Variants in ACOT7 observed in about 807,000 individuals in gnomAD.
The protein encoded by ACOT7 is acyl-CoA thioesterase 7.
A neutral mutation model predicts 40.2 loss-of-function variants in ACOT7; 12 were observed. That is an observed-to-expected ratio of 0.30 (90% confidence interval 0.19 to 0.48). The LOEUF is 0.48. Among genes scored for constraint, ACOT7 ranks in the 20% least tolerant of loss-of-function variants. ACOT7 has a pLI of 0.99. For synonymous variants in ACOT7, 228 were observed against 219.5 expected, an observed-to-expected ratio of 1.04 and a Z score of -0.34; for missense variants, 395 against 530.8, an observed-to-expected ratio of 0.74 and a Z score of 2.51.
In ACOT7 at chr1:6,358,822, G is replaced by A. The variant is rs115700963; in HGVS notation, c.144-8956C>T. 4,578 of 1,613,832 alleles carry A rather than the reference G, an allele frequency of 2.8e-3. 109 individuals carry two copies. In the African/African-American group the frequency reaches 0.053, roughly 19 times the overall value. On this transcript the variant is annotated intron_variant, in intron 1 of 8. Transcript: ENST00000361521. This position sits in a 1 kb window ranked among gnomAD's most constrained non-coding sequence, Gnocchi z 4.1. ...GGCCTAGACATGCCCATGACTGGCA[G>A]TACCTGCTCAGCTGGAAAGCCATGG... is the stretch of plus-strand genomic sequence containing the variant.
At chr1:6,271,441 A>G (rs1639031900) in intron 8 of ACOT7, among the ~76,000 whole-genome samples, 2 of 152,216 alleles carry the variant, frequency 1.3e-5, no homozygotes. Flanking sequence ...CACAAAAGCA[A>G]TGAAAACATC....
rs1301438258 is a variant in ACOT7, at chr1:6,318,726, A to G, written c.626-148T>C. The stretch of plus-strand genomic sequence containing the variant: ...AGCTATGATTTCTCTAAGGAAAACT[A>G]TGGTCTCCAAACAGGCTACAGTTGG... On this transcript the variant is annotated intron_variant, in intron 5 of 8. Transcript: ENST00000361521. The G allele has an allele frequency of 5.3e-6, 4 of 760,860 alleles. No individual in the cohort carries two copies. In the African/African-American group the frequency reaches 6.9e-5, roughly 13 times the overall value. 47.1% of individuals were successfully genotyped at this position (760,860 alleles called of 1,614,324 possible).
At chr1:6,303,603 A>C (rs958925454) in intron 6 of ACOT7, among the ~76,000 whole-genome samples, 2 of 152,154 alleles carry the variant, frequency 1.3e-5, no homozygotes, top group African/African-American at 4.8e-5. Context: ...AGATGCCCCC[A>C]TTTCTATATT....
chr1:6,388,608 G>A (rs1642480299), intron 1 of ACOT7, among the ~76,000 whole-genome samples: 1 of 150,138 alleles, frequency 6.7e-6, no homozygotes, highest in Non-Finnish European at 1.5e-5. Context: ...GTGTGGTGGT[G>A]GGTGCCTGTA....
chr1:6,342,089 T>C (rs140450673), intron 2 of ACOT7, among the ~76,000 whole-genome samples: 2 of 152,306 alleles, frequency 1.3e-5, no homozygotes, highest in African/African-American at 4.8e-5. Flanking sequence ...ACAACAGAAA[T>C]TTATTTCTCA....
chr1:6,311,985 C>T lies in ACOT7; in HGVS notation c.712+6507G>A, dbSNP rs991938820. 1.3e-4 allele frequency among the ~76,000 whole-genome samples: 20 copies of T among 152,122 alleles called. No homozygotes were observed. The highest frequency in any genetic ancestry group is 1.2e-4 in the Non-Finnish European group (8 of 68,030). On this transcript the variant is annotated intron_variant, in intron 6 of 8. Coordinates refer to ENST00000361521, the MANE Select transcript of ACOT7 (RefSeq NM_007274.4). The surrounding 1 kb of genome is among the most constrained non-coding windows in gnomAD (Gnocchi z 5.2). ...AAGTGACCTTAATAGGCAGCAGAGA[C>T]GAGGTCACAGATCCAACCTCTCAGG...
intron 1 of ACOT7, among the ~76,000 whole-genome samples, chr1:6,361,418 G>A (rs1571342985): frequency 6.6e-6 from 1 of 152,346 alleles, no homozygotes; most frequent in Middle Eastern, 3.4e-3. Flanking sequence ...TGGCTGCACA[G>A]CCTTGTGAAT....
intron 1 of ACOT7, among the ~76,000 whole-genome samples, chr1:6,364,937 C>T (rs1005616973): frequency 7.3e-5 from 11 of 150,414 alleles, no homozygotes; most frequent in Non-Finnish European, 1.6e-4. Flanking sequence ...GAAGCAGAAT[C>T]GCTTAAACCC....
chr1:6,314,483 T>C (rs768166779), intron 6 of ACOT7, among the ~76,000 whole-genome samples: 5 of 151,770 alleles, frequency 3.3e-5, no homozygotes, highest in Non-Finnish European at 5.9e-5. Context: ...TCCTCTAAGG[T>C]CTGCCTTGAA....
At chr1:6,303,794 G>A (rs1640037888) in intron 6 of ACOT7, among the ~76,000 whole-genome samples, 2 of 152,178 alleles carry the variant, frequency 1.3e-5, no homozygotes, top group Non-Finnish European at 2.9e-5. Flanking sequence ...TGGGACCATG[G>A]ACAGAGGAAT....
At chr1:6,373,866 A>T in intron 1 of ACOT7, among the ~76,000 whole-genome samples, 1 of 96,384 alleles carries the variant, frequency 1.0e-5, no homozygotes, top group East Asian at 2.9e-4. Flanking sequence ...ACTCCATCTT[A>T]AAAAAAAAAA....
Position 6,294,330 on chromosome 1 carries a change from G to A in ACOT7, c.829+534C>T, listed in dbSNP as rs1639753086. 6.6e-6 allele frequency among the ~76,000 whole-genome samples: 1 copy of A among 152,204 alleles called. No individual in the cohort carries two copies. Among genetic ancestry groups the A allele is most frequent in the Non-Finnish European group, 1.5e-5 (1 of 68,042 alleles). On this transcript the variant is annotated intron_variant, in intron 7 of 8. Coordinates refer to ENST00000361521, the MANE Select transcript of ACOT7 (RefSeq NM_007274.4). This position sits in a 1 kb window ranked among gnomAD's most constrained non-coding sequence, Gnocchi z 4.6. ...TGTCAAGCTGGCACACATACCCCAG[G>A]GACAGCTGACACCATTTCCAGGCAG...
At chr1:6,303,792 T>C (rs922486531) in intron 6 of ACOT7, among the ~76,000 whole-genome samples, 4 of 152,198 alleles carry the variant, frequency 2.6e-5, no homozygotes, top group Admixed American at 1.3e-4. Context: ...GCTGGGACCA[T>C]GGACAGAGGA....
rs185006917 is a variant in ACOT7 at position 6,331,810 on chromosome 1, G to A, written c.510+1667C>T. ...CCGGCAGCCAGCCACACCCACCTGG[G>A]GAGACACCCCACCCAGACCTTCACT... On this transcript the variant is annotated intron_variant, in intron 4 of 8. Transcript: ENST00000361521. Among the ~76,000 whole-genome samples, 1,073 of 152,226 alleles carry A rather than the reference G, an allele frequency of 7.0e-3. 6 individuals carry two copies. Among genetic ancestry groups the A allele is most frequent in the Non-Finnish European group, 0.011 (753 of 68,008 alleles).
chr1:6,383,477 G>A (rs142376503), intron 1 of ACOT7, among the ~76,000 whole-genome samples: 3,313 of 149,732 alleles, frequency 0.022, 74 homozygotes, highest in African/African-American at 0.047. Flanking sequence ...GTGAGTCACC[G>A]CGCCCGGCCT....
intron 8 of ACOT7, 30 bp downstream of exon 8, chr1:6,281,072 G>A: frequency 6.2e-7 from 1 of 1,603,808 alleles, no homozygotes; most frequent in Non-Finnish European, 8.5e-7. Context: ...CTGGCAGGGA[G>A]GGGCCGCCGT....
At chr1:6,379,922 C>A (rs1642304283) in intron 1 of ACOT7, among the ~76,000 whole-genome samples, 1 of 151,586 alleles carries the variant, frequency 6.6e-6, no homozygotes, top group African/African-American at 2.4e-5. Flanking sequence ...AAAAATTAGC[C>A]AGGTGTGGTG....
At chr1:6,393,117 C>T (rs1642561989) in intron 1 of ACOT7, 140 bp downstream of exon 1, 2 of 977,334 alleles carry the variant, frequency 2.0e-6, no homozygotes, top group Admixed American at 5.1e-5. Context: ...GCGTCCGGGG[C>T]GGCGGCGCGG....
intron 1 of ACOT7, among the ~76,000 whole-genome samples, chr1:6,377,939 A>G (rs1216219715): frequency 1.3e-5 from 2 of 151,992 alleles, no homozygotes; most frequent in African/African-American, 4.8e-5. Flanking sequence ...GTGTGGTGGC[A>G]GGCGCCTGTA....
Sources: gnomAD v4.1 joint callset for allele counts (sites outside exome capture counted in the v4.1 genomes callset) on GRCh38, gnomAD v4.1.1 for gene constraint, Gnocchi (gnomAD v3.1) non-coding constraint, MANE v1.5 for transcripts, NCBI Gene and HGNC (gene_info 2026-07-23, HGNC 2026-07-21) for gene names.